Variants in LSAMP observed in about 807,000 individuals in gnomAD.
LSAMP encodes limbic system associated membrane protein.
Under a neutral mutation model 38.6 loss-of-function variants are expected in LSAMP, and 7 were observed. The ratio of observed to expected loss-of-function variants is 0.18; its 90% CI spans 0.10 to 0.34. The LOEUF is 0.34. LSAMP is among the 10% of genes least tolerant of loss of function. The pLI, the probability that LSAMP is intolerant of heterozygous loss-of-function variation, is 1.00. For synonymous variants in LSAMP, 154 were observed against 166.8 expected (o/e 0.92, Z 0.59); for missense variants, 313 against 420.0 (o/e 0.75, Z 2.23).
At chr3:116,066,529 C>CA (rs537152907) in intron 2 of LSAMP, among the ~76,000 whole-genome samples, 24 of 152,100 alleles carry the variant, frequency 1.6e-4, no homozygotes, top group Admixed American at 1.6e-3. Flanking sequence ...AAAATTACCC[C>CA]ATCCTCTTCA....
intron 3 of LSAMP, among the ~76,000 whole-genome samples, chr3:115,953,942 C>A (rs1362554960): frequency 2.0e-5 from 3 of 152,182 alleles, no homozygotes; most frequent in African/African-American, 7.2e-5. Context: ...ATGTCTCGTT[C>A]TGTAAGAGGC....
chr3:115,902,676 G>A (rs142711351), intron 3 of LSAMP, among the ~76,000 whole-genome samples: 21 of 152,202 alleles, frequency 1.4e-4, no homozygotes, highest in South Asian at 4.2e-4. Context: ...TGAAAAGTGG[G>A]CAAAGGACAT....
rs537804704 is a variant in LSAMP, at chr3:116,077,436, G to A, written c.388+8888C>T. ...CTCATGGGATTATCTCATGATTTTT[G>A]TCTGTTGACTTTGTAATGAAGTATA... is the stretch of plus-strand genomic sequence containing the variant. On this transcript the variant is annotated intron_variant, in intron 2 of 6. Coordinates refer to ENST00000490035, the MANE Select transcript of LSAMP (RefSeq NM_002338.5). 1.3e-3 allele frequency among the ~76,000 whole-genome samples: 192 copies of A among 151,588 alleles called. 2 individuals are homozygous for A. Among genetic ancestry groups the A allele is most frequent in the Non-Finnish European group, 1.1e-3 (76 of 67,804 alleles).
chr3:116,042,558 T>G (rs1229363525), intron 2 of LSAMP, among the ~76,000 whole-genome samples: 1 of 151,902 alleles, frequency 6.6e-6, no homozygotes, highest in African/African-American at 2.4e-5. Context: ...GCCTCCCAAG[T>G]AGCTGGGATT....
chr3:116,225,456 T>C (rs2046332325), intron 1 of LSAMP, among the ~76,000 whole-genome samples: 1 of 152,170 alleles, frequency 6.6e-6, no homozygotes, highest in African/African-American at 2.4e-5. Flanking sequence ...CCTCCCAAAC[T>C]ATTGTTTTAA....
chr3:116,354,024 T>C (rs2048185464), intron 1 of LSAMP, among the ~76,000 whole-genome samples: 1 of 152,158 alleles, frequency 6.6e-6, no homozygotes, highest in Non-Finnish European at 1.5e-5. Flanking sequence ...GACAGTATTA[T>C]CAGGATCTGC....
intron 1 of LSAMP, among the ~76,000 whole-genome samples, chr3:116,227,464 T>C (rs2107623389): frequency 6.6e-6 from 1 of 152,342 alleles, no homozygotes; most frequent in South Asian, 2.1e-4. Flanking sequence ...CAAATACGAA[T>C]CAGACAGTAA....
intron 1 of LSAMP, among the ~76,000 whole-genome samples, chr3:116,359,379 C>T (rs1032419466): frequency 6.6e-6 from 1 of 152,122 alleles, no homozygotes; most frequent in African/African-American, 2.4e-5. Context: ...TAGGCTTGGC[C>T]TCTCTCCAAC....
intron 2 of LSAMP, among the ~76,000 whole-genome samples, chr3:116,052,401 C>A (rs1303600666): frequency 6.6e-6 from 1 of 152,108 alleles, no homozygotes; most frequent in Non-Finnish European, 1.5e-5. Flanking sequence ...CCCCTTTATT[C>A]TATTAAATCT....
At chr3:116,306,573 G>A (rs1429988084) in intron 1 of LSAMP, among the ~76,000 whole-genome samples, 1 of 151,990 alleles carries the variant, frequency 6.6e-6, no homozygotes, top group Non-Finnish European at 1.5e-5. Context: ...TTCAGAAAAT[G>A]TTAGTTCTTT....
intron 1 of LSAMP, among the ~76,000 whole-genome samples, chr3:116,386,843 A>G (rs1446394543): frequency 6.6e-6 from 1 of 152,166 alleles, no homozygotes; most frequent in African/African-American, 2.4e-5. Context: ...TAATGGAAGA[A>G]GCAACATTTA....
chr3:116,118,302 C>T (rs1708798458), intron 1 of LSAMP, among the ~76,000 whole-genome samples: 1 of 152,052 alleles, frequency 6.6e-6, no homozygotes, highest in Non-Finnish European at 1.5e-5. Flanking sequence ...CCAACCCCAA[C>T]CTTCCTTCCT....
chr3:116,395,321 G>A (rs1398586035), intron 1 of LSAMP, among the ~76,000 whole-genome samples: 1 of 152,150 alleles, frequency 6.6e-6, no homozygotes, highest in Non-Finnish European at 1.5e-5. Context: ...CCCACCCTGA[G>A]ATGCACGGCA....
rs867986566 is a variant in LSAMP, at chr3:115,854,289, T to A, written c.515-1672A>T. Among the ~76,000 whole-genome samples, 1,237 of 140,496 alleles carry A rather than the reference T, an allele frequency of 8.8e-3. 4 individuals are homozygous for A. Among genetic ancestry groups the A allele is most frequent in the South Asian group, 0.021 (91 of 4,368 alleles). 92.2% of individuals were successfully genotyped at this position (140,496 alleles called of 152,430 possible). A position where few individuals can be genotyped will look rare whatever the true frequency, so the allele number is the denominator to read the frequency against. ...ATTATTATTATTATTATTATTTTTTTTTTTTTTTTTTGAGATGGAGTCCCG... is the reference window on the plus strand; with the variant it reads ...ATTATTATTATTATTATTATTTTTTATTTTTTTTTTTGAGATGGAGTCCCG... On this transcript the variant is annotated intron_variant, in intron 3 of 6. Coordinates refer to ENST00000490035, the MANE Select transcript of LSAMP (RefSeq NM_002338.5).
intron 1 of LSAMP, among the ~76,000 whole-genome samples, chr3:116,099,780 C>T (rs112455158): frequency 2.6e-4 from 40 of 152,288 alleles, no homozygotes; most frequent in African/African-American, 9.1e-4. Flanking sequence ...ATAATTGTCT[C>T]CTCTTTCTCC....
intron 2 of LSAMP, among the ~76,000 whole-genome samples, chr3:116,024,865 T>G (rs1940743187): frequency 1.3e-5 from 2 of 151,244 alleles, no homozygotes; most frequent in Non-Finnish European, 3.0e-5. Flanking sequence ...GGGACAAAAA[T>G]GGGTAAATAT....
At chr3:116,277,393 G>T (rs1420604134) in intron 1 of LSAMP, among the ~76,000 whole-genome samples, 3 of 149,872 alleles carry the variant, frequency 2.0e-5, no homozygotes, top group African/African-American at 7.5e-5. Flanking sequence ...TTTTGAGACA[G>T]AGTCTCGCTC....
At chr3:115,815,177 A>G (rs568573505) in intron 6 of LSAMP, among the ~76,000 whole-genome samples, 1 of 152,300 alleles carries the variant, frequency 6.6e-6, no homozygotes, top group South Asian at 2.1e-4. Context: ...ACATTCACAT[A>G]ACTTTTATTA....
intron 4 of LSAMP, among the ~76,000 whole-genome samples, chr3:115,846,236 T>C (rs2972483): frequency 6.6e-6 from 1 of 152,084 alleles, no homozygotes; most frequent in African/African-American, 2.4e-5. Context: ...ATTCTTTATG[T>C]GACTTTGGAA....
Sources: allele counts gnomAD v4.1 joint callset (sites outside exome capture counted in the v4.1 genomes callset), GRCh38; gene constraint gnomAD v4.1.1; transcripts MANE v1.5; gene names NCBI Gene and HGNC (gene_info 2026-07-23, HGNC 2026-07-21).